The following DNAAF2 variants were observed in gnomAD, a reference collection of about 807,000 sequenced individuals.
DNAAF2 encodes dynein axonemal assembly factor 2, also known as protein kintoun.
DNAAF2 carries 58 observed loss-of-function variants against 48.8 expected under a neutral mutation model. The observed-to-expected ratio is 1.19, with a 90% CI of 0.96 to 1.48. DNAAF2 has a LOEUF of 1.48. Ranked by LOEUF, DNAAF2 falls within the 40% of genes most tolerant of loss-of-function variation. DNAAF2 has a pLI of 0.00. For synonymous variants in DNAAF2, 567 were observed against 481.2 expected, an observed-to-expected ratio of 1.18 and a Z score of -2.33; for missense variants, 1,241 against 1,116.1, an observed-to-expected ratio of 1.11 and a Z score of -1.59.
At position 49,633,484 on chromosome 14, in the gene DNAAF2, A is replaced by C; in HGVS notation, c.1666T>G (p.Trp556Gly). ...QSLQGDLNPL[W>G]YKLRFSAQDL... ...TGTGCGGAGAAGCGTAATTTGTACCAGAGGGGATTCAAATCTCCTTGAAGA... is the reference window on the plus strand; with the variant it reads ...TGTGCGGAGAAGCGTAATTTGTACCCGAGGGGATTCAAATCTCCTTGAAGA... The change falls in exon 1 of 3, where the codon TGG becomes GGG. Residue 556 changes from tryptophan (W) to glycine (G), a missense_variant. Trp to Gly is a radical substitution (Grantham distance 184, BLOSUM62 -2). Coordinates refer to ENST00000298292, the MANE Select transcript of DNAAF2 (RefSeq NM_018139.3). The C allele has an allele frequency of 4.3e-6, 7 of 1,614,058 alleles. No homozygotes were observed. The highest frequency in any genetic ancestry group is 5.9e-6 in the Non-Finnish European group (7 of 1,179,896).
In DNAAF2 at chr14:49,634,554, G is replaced by A. The variant is rs530058959; in HGVS notation, c.596C>T (p.Ala199Val). 1.2e-6 allele frequency: 2 copies of A among 1,603,528 alleles called. No homozygotes were observed. ...CCCGGGCAGGGGCGTGCGCAGCACC[G>A]CAGCCTCTGGGGTCCCCTTATACTT... ...KAKYKGTPEA[A>V]VLRTPLPGVI... is the part of the protein sequence containing the mutation. Residue 199 changes from alanine (A) to valine (V), a missense_variant, in exon 1 of 3, where the codon GCG becomes GTG. Ala to Val is a moderately conservative substitution (Grantham distance 64, BLOSUM62 0). Coordinates refer to ENST00000298292, the MANE Select transcript of DNAAF2 (RefSeq NM_018139.3).
chr14:49,635,128 A>T lies in DNAAF2; in HGVS notation c.22T>A (p.Ser8Thr). MAKAAAS[S>T]SLEDLDLSGE... ...CTCAGGTCCAAGTCCTCCAGCGACG[A>T]GGAGGCCGCCGCTTTGGCCATACTG... The change falls in exon 1 of 3, where the codon TCG becomes ACG. Residue 8 changes from serine (S) to threonine (T), a missense_variant. Transcript: ENST00000298292. 1 of 1,563,514 alleles carries T rather than the reference A, an allele frequency of 6.4e-7. No homozygotes were observed. The highest frequency in any genetic ancestry group is 8.7e-7 in the Non-Finnish European group (1 of 1,154,732).
chr14:49,630,759 T>TACACA (rs1166011511), intron 1 of DNAAF2, among the ~76,000 whole-genome samples: 1 of 69,362 alleles, frequency 1.4e-5, no homozygotes, highest in Admixed American at 1.7e-4. Flanking sequence ...ACACACACTT[T>TACACA]TTTTTTTTTT....
chr14:49,635,207 G>C lies in DNAAF2; in HGVS notation c.-58C>G. ...GGCGATCAGTCTGACACTGGGTTGG[G>C]GGATCCGCCTCAGAGTTTCTGGGCA... On this transcript the variant is annotated 5_prime_UTR_variant, in exon 1 of 3. Transcript: ENST00000298292. 5.9e-6 allele frequency: 9 copies of C among 1,517,098 alleles called. No individual in the cohort carries two copies. The highest frequency in any genetic ancestry group is 8.0e-6 in the Non-Finnish European group (9 of 1,119,374). The allele number at this position is 1,517,098 out of a possible 1,614,324, so 94.0% of individuals were successfully genotyped here.
rs1032410428 is a variant in DNAAF2, at chr14:49,626,064, C to G, written c.2008-16G>C. ...ATTCTTGCAACTGTGTCAAGAGAAACAACAAATTAATAATTATTTTAAATA... is the reference window on the plus strand; with the variant it reads ...ATTCTTGCAACTGTGTCAAGAGAAAGAACAAATTAATAATTATTTTAAATA... On this transcript the variant is annotated splice_polypyrimidine_tract_variant and intron_variant, in intron 2 of 2. Transcript: ENST00000298292. The G allele has an allele frequency of 4.3e-6, 6 of 1,400,536 alleles. No individual in the cohort carries two copies. Among genetic ancestry groups the G allele is most frequent in the Admixed American group, 6.5e-5 (2 of 30,606 alleles). The allele number at this position is 1,400,536 out of a possible 1,614,324, so 86.8% of individuals were successfully genotyped here.
Position 49,633,413 on chromosome 14 carries a change from T to C in DNAAF2, c.1737A>G (p.Lys579=). ...TAATCACAGGTTCTGTGGTACTCAATTTATTCTCTGGAGCAAATTGCAAAA... is the reference window on the plus strand; with the variant it reads ...TAATCACAGGTTCTGTGGTACTCAACTTATTCTCTGGAGCAAATTGCAAAA... ...SFFLQFAPEN[K]LSTTEPVISI... Residue 579 remains lysine, a synonymous_variant, in exon 1 of 3, where the codon AAA becomes AAG. Transcript: ENST00000298292. 6.2e-7 allele frequency: 1 copy of C among 1,614,076 alleles called. No individual in the cohort carries two copies. The highest frequency in any genetic ancestry group is 8.5e-7 in the Non-Finnish European group (1 of 1,179,900).
At chr14:49,626,706 G>A (rs1242916881) in intron 2 of DNAAF2, among the ~76,000 whole-genome samples, 1 of 148,034 alleles carries the variant, frequency 6.8e-6, no homozygotes, top group Non-Finnish European at 1.5e-5. Context: ...GTTTCACCAT[G>A]TTGCCCAGTC....
In DNAAF2 at chr14:49,625,389, C is replaced by A; in HGVS notation, c.*153G>T. On this transcript the variant is annotated 3_prime_UTR_variant, in exon 3 of 3. Coordinates refer to ENST00000298292, the MANE Select transcript of DNAAF2 (RefSeq NM_018139.3). ...AAAAAAAAATTATCTCCAATTTCCC[C>A]CATGAGAATCAAAATTGCAATTTTT... 2.1e-6 allele frequency: 1 copy of A among 471,596 alleles called. No individual in the cohort carries two copies. The highest frequency in any genetic ancestry group is 8.4e-5 in the South Asian group (1 of 11,966). The allele number at this position is 471,596 out of a possible 1,614,324, so 29.2% of individuals were successfully genotyped here. A position where few individuals can be genotyped will look rare whatever the true frequency, so the allele number is the denominator to read the frequency against.
chr14:49,634,250 C>T lies in DNAAF2; in HGVS notation c.900G>A (p.Leu300=), dbSNP rs771831907. The change falls in exon 1 of 3, where the codon CTG becomes CTA. Residue 300 remains leucine, a synonymous_variant. Coordinates refer to ENST00000298292, the MANE Select transcript of DNAAF2 (RefSeq NM_018139.3). Reference sequence around the variant, plus strand: ...GGCACAGCAGCTTTCTCGTTACCTCCAGCGCCGCCTGCTCGGCCGAGCGCA... The same window carrying T: ...GGCACAGCAGCTTTCTCGTTACCTCTAGCGCCGCCTGCTCGGCCGAGCGCA... ...PLLRSAEQAA[L]EVTRKLLCLD... is the part of the protein sequence containing the mutation. The T allele has an allele frequency of 1.2e-6, 2 of 1,612,408 alleles. No homozygotes were observed. The highest frequency in any genetic ancestry group is 1.7e-6 in the Non-Finnish European group (2 of 1,179,796).
chr14:49,633,731 C>G lies in DNAAF2; in HGVS notation c.1419G>C (p.Arg473=), dbSNP rs375441229. ...GGGGSPCLSS[R]SLAWGSSAGR... ...CCGCAGAAGAACCCCACGCCAGGCT[C>G]CGGGAGGACAAACAAGGGGAGCCTC... The change falls in exon 1 of 3, where the codon CGG becomes CGC. Residue 473 remains arginine, a synonymous_variant. Transcript: ENST00000298292. 7.5e-6 allele frequency: 12 copies of G among 1,595,250 alleles called. No homozygotes were observed. Among genetic ancestry groups the G allele is most frequent in the Non-Finnish European group, 1.0e-5 (12 of 1,170,718 alleles).
Position 49,633,629 on chromosome 14 carries a change from G to T in DNAAF2, c.1521C>A (p.Ala507=). ...TGGTCCCGGGACCACCCATGGCGCAGGCTGAGCGCTGGCCGCCCGTGCCCT... is the reference window on the plus strand; with the variant it reads ...TGGTCCCGGGACCACCCATGGCGCATGCTGAGCGCTGGCCGCCCGTGCCCT... ...ESEGTGGQRS[A]CAMGGPGTKS... is the part of the protein sequence containing the mutation. The change falls in exon 1 of 3, where the codon GCC becomes GCA. Residue 507 remains alanine (A), a synonymous_variant. Coordinates refer to ENST00000298292, the MANE Select transcript of DNAAF2 (RefSeq NM_018139.3). 2.5e-6 allele frequency: 4 copies of T among 1,613,314 alleles called. No individual in the cohort carries two copies. The highest frequency in any genetic ancestry group is 2.5e-6 in the Non-Finnish European group (3 of 1,179,552).
rs774173208 is a variant in DNAAF2 at position 49,628,102 on chromosome 14, C to G, written c.1917G>C (p.Leu639=). The change falls in exon 2 of 3, where the codon CTG becomes CTC. Residue 639 remains leucine (L), a synonymous_variant. Coordinates refer to ENST00000298292, the MANE Select transcript of DNAAF2 (RefSeq NM_018139.3). ...ACATAGACTGTTTGAATGGAGAGCT[C>G]AGGACCTCTTCAAGAAACTCATTAA... is the stretch of plus-strand genomic sequence containing the variant. The part of the protein sequence containing the change: ...ENVNEFLEEV[L]SSPFKQSMSL... 8 of 1,592,108 alleles carry G rather than the reference C, an allele frequency of 5.0e-6. No homozygotes were observed. In the South Asian group the frequency reaches 6.8e-5, roughly 14 times the overall value.
chr14:49,633,665 G>A lies in DNAAF2; in HGVS notation c.1485C>T (p.Arg495=), dbSNP rs760644486. The A allele has an allele frequency of 9.9e-6, 16 of 1,611,750 alleles. No homozygotes were observed. The East Asian group carries it at 3.3e-4, about 34-fold the overall frequency. Residue 495 remains arginine, a synonymous_variant, in exon 1 of 3, where the codon CGC becomes CGT. Transcript: ENST00000298292. ...GGCCGCCCGTGCCCTCCGACTCCTC[G>A]CGTGTTTCCACACTGCTATCTCCGC... ...SARGDSSVET[R]EESEGTGGQR...
Position 49,633,553 on chromosome 14 carries a change from T to C in DNAAF2, c.1597A>G (p.Thr533Ala), listed in dbSNP as rs547924178. The change falls in exon 1 of 3, where the codon ACC (threonine) becomes GCC (alanine). Residue 533 changes from threonine (T) to alanine (A), a missense_variant. Physicochemically the swap from Thr to Ala is moderately conservative, Grantham distance 58. Transcript: ENST00000298292. ...PPLLCNQDKE[T>A]LTLLIQVPRI... The stretch of plus-strand genomic sequence containing the variant: ...GGCACCTGAATGAGCAGAGTCAAGG[T>C]TTCTTTGTCCTGATTACACAGTAAC... The C allele has an allele frequency of 6.4e-5, 103 of 1,613,980 alleles. No homozygotes were observed. In the South Asian group the frequency reaches 1.1e-3, roughly 17 times the overall value.
rs762954420 is a variant in DNAAF2 at position 49,628,188 on chromosome 14, A to G, written c.1864-33T>C. Reference sequence around the variant, plus strand: ...AAAAAGGGAAAAAATATTCTGCCTAATAAGTCCCACTTGACAACAGTTGTA... The same window carrying G: ...AAAAAGGGAAAAAATATTCTGCCTAGTAAGTCCCACTTGACAACAGTTGTA... On this transcript the variant is annotated intron_variant, in intron 1 of 2. Coordinates refer to ENST00000298292, the MANE Select transcript of DNAAF2 (RefSeq NM_018139.3). 3.3e-5 allele frequency: 50 copies of G among 1,537,790 alleles called. No homozygotes were observed. In the South Asian group the frequency reaches 4.3e-4, roughly 13 times the overall value.
chr14:49,631,587 C>T lies in DNAAF2; in HGVS notation c.1863+1700G>A, dbSNP rs536420791. ...TTGCAGTGAGTGAGCCGCCCCACTG[C>T]ACTCCAGTCTGGGCGACGGTGCAAG... is the stretch of plus-strand genomic sequence containing the variant. On this transcript the variant is annotated intron_variant, in intron 1 of 2. Transcript: ENST00000298292. 5.3e-5 allele frequency among the ~76,000 whole-genome samples: 8 copies of T among 152,208 alleles called. No individual in the cohort carries two copies. The East Asian group carries it at 1.2e-3, about 22-fold the overall frequency.
At chr14:49,628,569 C>T (rs555973689) in intron 1 of DNAAF2, among the ~76,000 whole-genome samples, 28 of 152,152 alleles carry the variant, frequency 1.8e-4, no homozygotes, top group African/African-American at 6.3e-4. Flanking sequence ...ATTCTCCTGC[C>T]CCAGACTACC....
chr14:49,631,785 A>G (rs909312386), intron 1 of DNAAF2, among the ~76,000 whole-genome samples: 1 of 152,234 alleles, frequency 6.6e-6, no homozygotes, highest in East Asian at 1.9e-4. Context: ...ATTTATTTGT[A>G]AAGTTCTGAC....
At position 49,635,004 on chromosome 14, in the gene DNAAF2, C is replaced by G. The variant is rs7155862; in HGVS notation, c.146G>C (p.Arg49Pro). The change falls in exon 1 of 3, where the codon CGG (arginine) becomes CCG (proline). Residue 49 changes from arginine (R) to proline (P), a missense_variant. Coordinates refer to ENST00000298292, the MANE Select transcript of DNAAF2 (RefSeq NM_018139.3). ...GGTGATCTCCGCCTCGTAGCGCCGC[C>G]GGTTCTCCGGGTCGGTGAGCTCCTC... ...YAEELTDPEN[R>P]RRYEAEITAL... 3 of 1,567,342 alleles carry G rather than the reference C, an allele frequency of 1.9e-6. No homozygotes were observed. Among genetic ancestry groups the G allele is most frequent in the African/African-American group, 1.4e-5 (1 of 73,722 alleles).
Sources: allele counts gnomAD v4.1 joint callset (sites outside exome capture counted in the v4.1 genomes callset), GRCh38; gene constraint gnomAD v4.1.1; transcripts MANE v1.5; gene names NCBI Gene and HGNC (gene_info 2026-07-23, HGNC 2026-07-21).